The following SYNDIG1L variants were observed in gnomAD, a reference collection of about 807,000 sequenced individuals.
The protein encoded by SYNDIG1L is synapse differentiation inducing 1 like.
A neutral mutation model predicts 20.1 loss-of-function variants in SYNDIG1L; 13 were observed. The observed-to-expected ratio is 0.65, with a 90% CI of 0.42 to 1.03. The LOEUF (loss-of-function observed/expected upper bound fraction) is 1.03, where lower values mean the gene tolerates loss of function less well. Among genes scored for constraint, SYNDIG1L ranks in the 50% least tolerant of loss-of-function variants. The pLI is 0.00. For missense variants in SYNDIG1L, 294 were observed against 305.1 expected (o/e 0.96, Z 0.27); for synonymous variants, 128 against 129.3 (o/e 0.99, Z 0.07).
At chr14:74,459,560 C>T in the SYNDIG1L span, among the ~76,000 whole-genome samples, 1 of 152,152 alleles carries the variant, frequency 6.6e-6, no homozygotes, top group Non-Finnish European at 1.5e-5. Context: ...AGGACTTGTT[C>T]TTACTTGCTG....
At chr14:74,433,493 C>T in the SYNDIG1L span, among the ~76,000 whole-genome samples, 18 of 151,972 alleles carry the variant, frequency 1.2e-4, no homozygotes, top group Non-Finnish European at 1.2e-4. Flanking sequence ...AAGTGATTCT[C>T]GTGCCTCAGC....
chr14:74,449,703 A>G, the SYNDIG1L span, among the ~76,000 whole-genome samples: 2 of 151,988 alleles, frequency 1.3e-5, no homozygotes, highest in African/African-American at 4.8e-5. Flanking sequence ...TAGAGCAGTT[A>G]AAAAATTTTT....
In SYNDIG1L at chr14:74,422,017, G is replaced by A. The variant is rs551772826; in HGVS notation, c.-58+3895C>T. 3.3e-5 allele frequency among the ~76,000 whole-genome samples: 5 copies of A among 152,288 alleles called. No homozygotes were observed. The East Asian group carries it at 9.7e-4, about 29-fold the overall frequency. On this transcript the variant is annotated intron_variant, in intron 1 of 3. Transcript: ENST00000331628. ...AGGGTGAAAATTGCTGACAGGATTG[G>A]GATGATGGCTCTGCTACTCAAATTA...
chr14:74,467,783 G>A, the SYNDIG1L span, among the ~76,000 whole-genome samples: 31 of 152,306 alleles, frequency 2.0e-4, no homozygotes, highest in Non-Finnish European at 4.0e-4. Context: ...GCCAGGCCCA[G>A]GGGAGAAGTG....
chr14:74,471,466 C>G, the SYNDIG1L span, among the ~76,000 whole-genome samples: 1 of 152,048 alleles, frequency 6.6e-6, no homozygotes, highest in African/African-American at 2.4e-5. Flanking sequence ...GGTGTGGTGG[C>G]ACACACCTGA....
At chr14:74,415,130 G>A (rs10144920) in intron 1 of SYNDIG1L, among the ~76,000 whole-genome samples, 20,214 of 152,130 alleles carry the variant, frequency 0.13, 3,096 homozygotes, top group African/African-American at 0.37. Flanking sequence ...CTGGTTTTCA[G>A]CTGGGACCTC....
At chr14:74,423,193 T>C (rs2086237819) in intron 1 of SYNDIG1L, among the ~76,000 whole-genome samples, 1 of 151,868 alleles carries the variant, frequency 6.6e-6, no homozygotes, top group Non-Finnish European at 1.5e-5. Context: ...AGCCAATGGG[T>C]AGTTTTCCCC....
At chr14:74,409,200 T>A in intron 2 of SYNDIG1L, 128 bp downstream of exon 2, 1 of 640,976 alleles carries the variant, frequency 1.6e-6, no homozygotes, top group Non-Finnish European at 2.5e-6. Flanking sequence ...CACTTCAGCC[T>A]CCTGATTAGC....
chr14:74,453,540 A>G, the SYNDIG1L span, among the ~76,000 whole-genome samples: 1 of 152,132 alleles, frequency 6.6e-6, no homozygotes, highest in African/African-American at 2.4e-5. Context: ...TCATGGGTAT[A>G]TAGATACATA....
In SYNDIG1L at chr14:74,407,183, T is replaced by C. The variant is rs2086089841; in HGVS notation, c.*352A>G. 1 of 297,044 alleles carries C rather than the reference T, an allele frequency of 3.4e-6. No homozygotes were observed. Among genetic ancestry groups the C allele is most frequent in the Non-Finnish European group, 6.3e-6 (1 of 157,678 alleles). The allele number at this position is 297,044 out of a possible 1,614,324, so 18.4% of individuals were successfully genotyped here. On this transcript the variant is annotated 3_prime_UTR_variant, in exon 4 of 4. Transcript: ENST00000331628. ...CTCCTGCTCTTTCTCTGTGGGGAGG[T>C]TGGCAGGGTAGGTGGTGGGCTGGCT...
chr14:74,462,479 A>G, the SYNDIG1L span, among the ~76,000 whole-genome samples: 26 of 151,332 alleles, frequency 1.7e-4, no homozygotes, highest in African/African-American at 6.3e-4. Flanking sequence ...ATGAGACGCT[A>G]TCTCAAAAGA....
upstream of SYNDIG1L, among the ~76,000 whole-genome samples, chr14:74,427,076 C>A (rs2086272723): frequency 6.6e-6 from 1 of 151,394 alleles, no homozygotes. Context: ...GCTGCTTTGT[C>A]TCCACCCTGT....
chr14:74,460,893 G>A, the SYNDIG1L span, among the ~76,000 whole-genome samples: 1 of 152,052 alleles, frequency 6.6e-6, no homozygotes, highest in Non-Finnish European at 1.5e-5. Flanking sequence ...AAAGTGATCT[G>A]CCCGCCTTGG....
upstream of SYNDIG1L, among the ~76,000 whole-genome samples, chr14:74,429,962 T>A (rs1212337976): frequency 1.3e-5 from 2 of 152,198 alleles, no homozygotes; most frequent in East Asian, 1.9e-4. Flanking sequence ...GCTGCTCACT[T>A]CTTTTTTCCA....
intron 1 of SYNDIG1L, among the ~76,000 whole-genome samples, chr14:74,420,450 A>G (rs994605401): frequency 3.3e-5 from 5 of 151,704 alleles, no homozygotes; most frequent in African/African-American, 1.2e-4. Context: ...GATCTGTGGC[A>G]GAATTGAAAA....
At chr14:74,477,423 C>T in the SYNDIG1L span, among the ~76,000 whole-genome samples, 1 of 152,006 alleles carries the variant, frequency 6.6e-6, no homozygotes, top group African/African-American at 2.4e-5. Context: ...GCCACTCTTC[C>T]TATGTCTGGA....
At chr14:74,452,453 A>G in the SYNDIG1L span, among the ~76,000 whole-genome samples, 1 of 152,172 alleles carries the variant, frequency 6.6e-6, no homozygotes, top group African/African-American at 2.4e-5. Flanking sequence ...TGATGGTTTT[A>G]TAAAGAGGAG....
the SYNDIG1L span, among the ~76,000 whole-genome samples, chr14:74,455,969 GAAAT>G: frequency 1.3e-5 from 2 of 152,340 alleles, no homozygotes; most frequent in East Asian, 3.9e-4. Context: ...CAAACAAAGT[GAAAT>G]AACTTGCCTA....
At chr14:74,415,964 A>C (rs1410726313) in intron 1 of SYNDIG1L, among the ~76,000 whole-genome samples, 1 of 152,164 alleles carries the variant, frequency 6.6e-6, no homozygotes, top group African/African-American at 2.4e-5. Flanking sequence ...AAAATTGCCC[A>C]AAAAAAGACA....
Sources: allele counts gnomAD v4.1 joint callset (sites outside exome capture counted in the v4.1 genomes callset), GRCh38; gene constraint gnomAD v4.1.1; transcripts MANE v1.5; gene names NCBI Gene and HGNC (gene_info 2026-07-23, HGNC 2026-07-21).